Variants in PRMT8 observed in about 807,000 individuals in gnomAD.
PRMT8 encodes the protein protein arginine N-methyltransferase 8.
PRMT8 carries 7 observed loss-of-function variants against 47.1 expected under a neutral mutation model. The ratio of observed to expected loss-of-function variants is 0.15; its 90% CI spans 0.08 to 0.28. PRMT8 has a LOEUF of 0.28. Among genes scored for constraint, PRMT8 ranks in the 10% least tolerant of loss-of-function variants. The pLI is 1.00. For missense variants in PRMT8, 237 were observed against 505.4 expected (o/e 0.47, Z 5.09); for synonymous variants, 188 against 186.5 (o/e 1.01, Z -0.07).
rs551779821 is a variant in PRMT8, at chr12:3,453,103, G to C, written c.48+71661G>C. The stretch of plus-strand genomic sequence containing the variant: ...GAGGGATGCACAGAGGACACTGCAC[G>C]GGGAATCAGGTAGGCTGGAGAGGAG... On this transcript the variant is annotated intron_variant, in intron 1 of 9. Coordinates refer to the PRMT8 transcript ENST00000452611. This position sits in a 1 kb window ranked among gnomAD's most constrained non-coding sequence, Gnocchi z 4.9. 3.3e-5 allele frequency among the ~76,000 whole-genome samples: 5 copies of C among 152,150 alleles called. No homozygotes were observed. Among genetic ancestry groups the C allele is most frequent in the African/African-American group, 1.2e-4 (5 of 41,448 alleles).
chr12:3,456,186 T>C lies in PRMT8; in HGVS notation c.48+74744T>C, dbSNP rs1313628581. On this transcript the variant is annotated intron_variant, in intron 1 of 9. Transcript: ENST00000452611. The surrounding 1 kb of genome is among the most constrained non-coding windows in gnomAD (Gnocchi z 4.2). Reference sequence around the variant, plus strand: ...CACATTTCCGATGACCACATCCAAGTACGCCAGCGCTGGCACACCAAGCGC... The same window carrying C: ...CACATTTCCGATGACCACATCCAAGCACGCCAGCGCTGGCACACCAAGCGC... 6.6e-6 allele frequency among the ~76,000 whole-genome samples: 1 copy of C among 152,180 alleles called. No individual in the cohort carries two copies. The highest frequency in any genetic ancestry group is 1.5e-5 in the Non-Finnish European group (1 of 68,022).
At chr12:3,388,442 C>T (rs893143427) in intron 1 of PRMT8, among the ~76,000 whole-genome samples, 3 of 152,154 alleles carry the variant, frequency 2.0e-5, no homozygotes, top group East Asian at 1.9e-4. Flanking sequence ...TTCTACATTG[C>T]GGAAGTACCA....
intron 1 of PRMT8, among the ~76,000 whole-genome samples, chr12:3,536,532 G>C (rs1334757544): frequency 6.6e-6 from 1 of 152,182 alleles, no homozygotes; most frequent in East Asian, 1.9e-4. Context: ...CGTGCACAAT[G>C]CCCAGGCCAG....
chr12:3,444,101 G>T (rs888772051), intron 1 of PRMT8, among the ~76,000 whole-genome samples: 3 of 152,126 alleles, frequency 2.0e-5, no homozygotes, highest in Admixed American at 1.3e-4. Context: ...TATAGAAATG[G>T]CCAGTGATGA....
In PRMT8 at chr12:3,580,576, AGGT is replaced by A. The variant is rs1399447062; in HGVS notation, c.829-2480_829-2478del. Among the ~76,000 whole-genome samples, 1 of 152,174 alleles carries A rather than the reference AGGT, an allele frequency of 6.6e-6. No individual in the cohort carries two copies. The highest frequency in any genetic ancestry group is 1.5e-5 in the Non-Finnish European group (1 of 68,038). On this transcript the variant is annotated intron_variant, in intron 7 of 9. Coordinates refer to ENST00000382622, the MANE Select transcript of PRMT8 (RefSeq NM_019854.5). This position sits in a 1 kb window ranked among gnomAD's most constrained non-coding sequence, Gnocchi z 4.6. ...GAGTCAACACATATTGCTGTGTATT[AGGT>A]GCTGCTGTGCACTGAGGATACACAG... is the stretch of plus-strand genomic sequence containing the variant.
chr12:3,527,710 A>G (rs546892382), intron 1 of PRMT8, among the ~76,000 whole-genome samples: 73 of 152,294 alleles, frequency 4.8e-4, no homozygotes, highest in African/African-American at 1.7e-3. Context: ...AGGGATTTAA[A>G]TAATAAGAAA....
chr12:3,498,549 A>G (rs1056659206), intron 1 of PRMT8, among the ~76,000 whole-genome samples: 1 of 152,074 alleles, frequency 6.6e-6, no homozygotes, highest in Non-Finnish European at 1.5e-5. Context: ...TGTGGCAGGG[A>G]CAGCCATCAC....
At position 3,552,653 on chromosome 12, in the gene PRMT8, C is replaced by T. The variant is rs982175602; in HGVS notation, c.418-998C>T. 15 of 444,794 alleles carry T rather than the reference C, an allele frequency of 3.4e-5. No individual in the cohort carries two copies. Among genetic ancestry groups the T allele is most frequent in the African/African-American group, 8.0e-5 (4 of 49,856 alleles). The allele number at this position is 444,794 out of a possible 1,614,324, so 27.6% of individuals were successfully genotyped here. On this transcript the variant is annotated intron_variant, in intron 3 of 9. Transcript: ENST00000382622. The surrounding 1 kb of genome is among the most constrained non-coding windows in gnomAD (Gnocchi z 4.5). ...CTGGGACCTGCACCCTGGCTGGAGTCGGCCTCCTTGGATGCAGCTCTAACC... is the reference window on the plus strand; with the variant it reads ...CTGGGACCTGCACCCTGGCTGGAGTTGGCCTCCTTGGATGCAGCTCTAACC...
intron 1 of PRMT8, among the ~76,000 whole-genome samples, chr12:3,523,319 A>G (rs888778534): frequency 6.6e-6 from 1 of 152,194 alleles, no homozygotes; most frequent in African/African-American, 2.4e-5. Context: ...TTTAGAATGC[A>G]ATCCTATATT....
chr12:3,532,151 G>C (rs946221848), intron 1 of PRMT8, among the ~76,000 whole-genome samples: 1 of 151,904 alleles, frequency 6.6e-6, no homozygotes, highest in Non-Finnish European at 1.5e-5. Context: ...CTTTCAGAAC[G>C]TTAATTTCTA....
rs193092552 is a variant in PRMT8 at position 3,527,430 on chromosome 12, A to G, written c.76-13176A>G. Among the ~76,000 whole-genome samples the G allele has an allele frequency of 6.8e-4, 104 of 152,260 alleles. 1 individual carries two copies. The highest frequency in any genetic ancestry group is 2.3e-3 in the African/African-American group (97 of 41,576). On this transcript the variant is annotated intron_variant, in intron 1 of 9. Coordinates refer to ENST00000382622, the MANE Select transcript of PRMT8 (RefSeq NM_019854.5). ...AGATGATGCAAGATTTCATCTTACT[A>G]CTCAGAATACTGTGTAATTTAAAAC...
chr12:3,425,610 T>C (rs184332059), intron 1 of PRMT8, among the ~76,000 whole-genome samples: 3 of 152,270 alleles, frequency 2.0e-5, no homozygotes, highest in African/African-American at 7.2e-5. Context: ...TTTTATTAAC[T>C]GTCACCTACC....
chr12:3,465,530 A>C (rs1865089927), intron 1 of PRMT8, among the ~76,000 whole-genome samples: 2 of 151,994 alleles, frequency 1.3e-5, no homozygotes, highest in Admixed American at 1.3e-4. Context: ...GAAAGGAAAG[A>C]GTGGGCAATT....
intron 1 of PRMT8, among the ~76,000 whole-genome samples, chr12:3,536,366 C>T (rs140583265): frequency 2.4e-3 from 361 of 152,298 alleles, no homozygotes; most frequent in Non-Finnish European, 4.0e-3. Flanking sequence ...TGAATGCCCC[C>T]AAATCCATGC....
chr12:3,551,078 C>CA (rs924022487), intron 3 of PRMT8: 6 of 144,348 alleles, frequency 4.2e-5, no homozygotes, highest in South Asian at 2.3e-4. Flanking sequence ...CCCTGGGGAC[C>CA]CCCCCCCGCC....
chr12:3,579,794 C>T (rs554303468), intron 7 of PRMT8, among the ~76,000 whole-genome samples: 4 of 152,116 alleles, frequency 2.6e-5, no homozygotes, highest in South Asian at 2.1e-4. Flanking sequence ...ACTTCTGCTC[C>T]GAGACATCCA....
intron 1 of PRMT8, among the ~76,000 whole-genome samples, chr12:3,415,448 C>A (rs1776478351): frequency 1.3e-5 from 2 of 152,182 alleles, no homozygotes; most frequent in South Asian, 2.1e-4. Flanking sequence ...AAGTCCGAAC[C>A]CTCTAATCCT....
In PRMT8 at chr12:3,564,289, TGAAA is replaced by T. The variant is rs1198093813; in HGVS notation, c.482-4414_482-4411del. Among the ~76,000 whole-genome samples, 1 of 152,156 alleles carries T rather than the reference TGAAA, an allele frequency of 6.6e-6. No individual in the cohort carries two copies. Among genetic ancestry groups the T allele is most frequent in the Non-Finnish European group, 1.5e-5 (1 of 68,034 alleles). On this transcript the variant is annotated intron_variant, in intron 4 of 9. Transcript: ENST00000382622. The surrounding 1 kb of genome is among the most constrained non-coding windows in gnomAD (Gnocchi z 4.0). ...CTTGTGTGGCACAGGACCTGCTCTC[TGAAA>T]GAGTGAGGACCTAAAAATGATCACT...
intron 1 of PRMT8, among the ~76,000 whole-genome samples, chr12:3,444,269 A>C (rs1358979025): frequency 6.6e-6 from 1 of 152,176 alleles, no homozygotes; most frequent in Admixed American, 6.5e-5. Context: ...ACCTGCATGC[A>C]GTGCCCTCCT....
Sources: gnomAD v4.1 joint callset for allele counts (sites outside exome capture counted in the v4.1 genomes callset) on GRCh38, gnomAD v4.1.1 for gene constraint, Gnocchi (gnomAD v3.1) non-coding constraint, MANE v1.5 for transcripts, NCBI Gene and HGNC (gene_info 2026-07-23, HGNC 2026-07-21) for gene names.